The following NID2 variants were observed in gnomAD, a reference collection of about 807,000 sequenced individuals.
NID2 encodes nidogen 2.
In NID2, 83 loss-of-function variants were observed where a neutral mutation model predicts 145.4. The observed-to-expected ratio is 0.57, with a 90% CI of 0.48 to 0.69. The LOEUF (loss-of-function observed/expected upper bound fraction) is 0.69. Ranked by LOEUF, NID2 falls within the 30% of genes least tolerant of loss-of-function variation. The probability of loss-of-function intolerance (pLI) is 0.00; values close to 1 mark genes in which losing one functional copy is unlikely to be tolerated. For synonymous variants in NID2, 739 were observed against 701.3 expected, an observed-to-expected ratio of 1.05 and a Z score of -0.85; for missense variants, 1,807 against 1,765.7, an observed-to-expected ratio of 1.02 and a Z score of -0.42.
At chr14:52,006,784 G>C (rs1040282568) in intron 19 of NID2, 124 bp from the exon 20 acceptor site, 2 of 1,012,506 alleles carry the variant, frequency 2.0e-6, no homozygotes, top group African/African-American at 3.2e-5. Flanking sequence ...TACAGTCATA[G>C]ATTAGCAACT....
chr14:52,048,262 A>T (rs1439820019), intron 5 of NID2, among the ~76,000 whole-genome samples: 1 of 152,216 alleles, frequency 6.6e-6, no homozygotes, highest in East Asian at 1.9e-4. Context: ...TCTTTAGTGA[A>T]AGTAATACAG....
chr14:52,016,625 C>G (rs1356575434), intron 14 of NID2, among the ~76,000 whole-genome samples: 2 of 152,236 alleles, frequency 1.3e-5, no homozygotes, highest in Non-Finnish European at 2.9e-5. Context: ...CAAAAAGCCT[C>G]ATCCTCTCCC....
rs1180106517 is a variant in NID2, at chr14:52,044,506, G to A, written c.1430-1575C>T. Among the ~76,000 whole-genome samples, 6 of 152,118 alleles carry A rather than the reference G, an allele frequency of 3.9e-5. No homozygotes were observed. The South Asian group carries it at 6.2e-4, about 16-fold the overall frequency. On this transcript the variant is annotated intron_variant, in intron 5 of 21. Coordinates refer to ENST00000216286, the MANE Select transcript of NID2 (RefSeq NM_007361.4). ...AGGATGGTCCTGATCTCCTGACCTC[G>A]TGATCCACCTGCCTCGGCCTCCCAA... is the stretch of plus-strand genomic sequence containing the variant.
Position 52,007,954 on chromosome 14 carries a change from T to C in NID2, c.3736A>G (p.Thr1246Ala). The change falls in exon 19 of 22, where the codon ACA becomes GCA. Residue 1246 changes from threonine (T) to alanine (A), a missense_variant. By Grantham distance (58) the Thr-to-Ala change is moderately conservative. Coordinates refer to ENST00000216286, the MANE Select transcript of NID2 (RefSeq NM_007361.4). ...TTAGGAGCTTCTCTATTCCAGTCTG[T>C]CCAGTACAAGTTGCTGTAAGTTAAA... ...VDPIRGNLYW[T>A]DWNREAPKIE... 6.2e-7 allele frequency: 1 copy of C among 1,603,820 alleles called. No homozygotes were observed. Among genetic ancestry groups the C allele is most frequent in the African/African-American group, 1.3e-5 (1 of 74,214 alleles).
At chr14:52,051,694 A>G (rs1027291517) in intron 5 of NID2, among the ~76,000 whole-genome samples, 2 of 152,174 alleles carry the variant, frequency 1.3e-5, no homozygotes, top group African/African-American at 4.8e-5. Context: ...TACTTCATAC[A>G]TCCCCGTAAA....
intron 16 of NID2, 80 bp from the exon 17 acceptor site, chr14:52,011,763 C>G: frequency 6.5e-7 from 1 of 1,531,910 alleles, no homozygotes; most frequent in Non-Finnish European, 9.0e-7. Flanking sequence ...TGCTCATGCA[C>G]AGCTGCAGTG....
Position 52,053,799 on chromosome 14 carries a change from T to G in NID2, c.1209A>C (p.Ser403=), listed in dbSNP as rs757642108. The G allele has an allele frequency of 6.2e-7, 1 of 1,614,196 alleles. No individual in the cohort carries two copies. Among genetic ancestry groups the G allele is most frequent in the East Asian group, 2.2e-5 (1 of 44,884 alleles). ...GTGGGGTTTCCCAGGAAGGAGCCAGTGAATCTCTGTCTACCTCTGGTGGAG... is the reference window on the plus strand; with the variant it reads ...GTGGGGTTTCCCAGGAAGGAGCCAGGGAATCTCTGTCTACCTCTGGTGGAG... ...SPAPPEVDRD[S]LAPSWETPPP... Residue 403 remains serine, a synonymous_variant, in exon 5 of 22, where the codon TCA becomes TCC. Transcript: ENST00000216286.
intron 9 of NID2, among the ~76,000 whole-genome samples, chr14:52,031,136 G>A (rs1440997609): frequency 1.3e-5 from 2 of 152,208 alleles, no homozygotes; most frequent in Admixed American, 1.3e-4. Flanking sequence ...ACTTCATGAA[G>A]TTATCTAGTC....
chr14:52,017,399 A>G (rs1477926499), intron 14 of NID2, among the ~76,000 whole-genome samples: 1 of 152,120 alleles, frequency 6.6e-6, no homozygotes, highest in Non-Finnish European at 1.5e-5. Flanking sequence ...CCCATCAAAC[A>G]TGAGACCAGT....
At chr14:52,035,669 T>C (rs1464882541) in intron 9 of NID2, among the ~76,000 whole-genome samples, 2 of 151,154 alleles carry the variant, frequency 1.3e-5, no homozygotes, top group African/African-American at 4.9e-5. Flanking sequence ...TTTCTACTAC[T>C]ATTTGCTTCC....
intron 5 of NID2, among the ~76,000 whole-genome samples, chr14:52,044,867 T>C (rs1892430781): frequency 6.6e-6 from 1 of 150,890 alleles, no homozygotes; most frequent in African/African-American, 2.4e-5. Flanking sequence ...CAAGTGATCT[T>C]CCCACCTAGG....
chr14:52,035,900 G>C (rs187389445), intron 9 of NID2, among the ~76,000 whole-genome samples: 1 of 45,882 alleles, frequency 2.2e-5, no homozygotes, highest in African/African-American at 7.3e-5. Flanking sequence ...GTAGAGACAG[G>C]GTTTCACCAT....
chr14:52,046,640 T>C (rs1413963494), intron 5 of NID2, among the ~76,000 whole-genome samples: 1 of 152,140 alleles, frequency 6.6e-6, no homozygotes, highest in Non-Finnish European at 1.5e-5. Flanking sequence ...GGTTTATAAA[T>C]AGATTGGAAG....
At chr14:52,007,362 G>A (rs953774713) in intron 19 of NID2, 1 of 181,384 alleles carries the variant, frequency 5.5e-6, no homozygotes, top group Admixed American at 5.9e-5. Flanking sequence ...CAGTTGTGCT[G>A]ATAAAAGCAA....
intron 20 of NID2, 198 bp downstream of exon 20, chr14:52,006,339 A>C: frequency 1.8e-6 from 1 of 565,920 alleles, no homozygotes; most frequent in East Asian, 3.1e-5. Flanking sequence ...TTTCTGGGTG[A>C]AGTAAAAGGA....
rs1017701714 is a variant in NID2, at chr14:52,011,647, C to T, written c.3457G>A (p.Glu1153Lys). 7 of 1,614,090 alleles carry T rather than the reference C, an allele frequency of 4.3e-6. No individual in the cohort carries two copies. The Admixed American group carries it at 5.0e-5, about 12-fold the overall frequency. The change falls in exon 17 of 22, where the codon GAG (glutamate) becomes AAG (lysine). Residue 1153 changes from glutamate to lysine, a missense_variant. Physicochemically the swap from Glu to Lys is moderately conservative, Grantham distance 56 (BLOSUM62 1). Transcript: ENST00000216286. Reference protein sequence around the residue: ...IIVGIDYDCRERMVYWTDVAG... With the variant: ...IIVGIDYDCRKRMVYWTDVAG... The stretch of plus-strand genomic sequence containing the variant: ...ACATCTGTCCAGTACACCATCCTCT[C>T]CCGGCAGTCGTAATCAATTCCCACG...
At position 52,011,016 on chromosome 14, in the gene NID2, G is replaced by T. The variant is rs1022467921; in HGVS notation, c.3582C>A (p.Asp1194Glu). The change falls in exon 18 of 22, where the codon GAC becomes GAA. Residue 1194 changes from aspartate to glutamate, a missense_variant. Asp to Glu is a conservative substitution (Grantham distance 45). Transcript: ENST00000216286. The stretch of plus-strand genomic sequence containing the variant: ...TCCAGTACATTGTTCTGCGGATGTG[G>T]TCTATGGCAAGTCCTTCAGGGCTTA... ...GLISPEGLAIDHIRRTMYWTD... is the reference protein window; with the variant it reads ...GLISPEGLAIEHIRRTMYWTD... The T allele has an allele frequency of 6.2e-7, 1 of 1,614,040 alleles. No homozygotes were observed. Among genetic ancestry groups the T allele is most frequent in the African/African-American group, 1.3e-5 (1 of 74,920 alleles).
At chr14:52,062,870 A>G (rs574100927) in intron 2 of NID2, among the ~76,000 whole-genome samples, 1 of 152,310 alleles carries the variant, frequency 6.6e-6, no homozygotes, top group East Asian at 1.9e-4. Context: ...AATTTATTCA[A>G]CATCTTCTAT....
At chr14:52,033,260 G>A (rs1470128023) in intron 9 of NID2, among the ~76,000 whole-genome samples, 1 of 151,990 alleles carries the variant, frequency 6.6e-6, no homozygotes, top group Admixed American at 6.6e-5. Flanking sequence ...GGGAAGAGCG[G>A]TTTTCCTTAA....
Sources: gnomAD v4.1 joint callset for allele counts (sites outside exome capture counted in the v4.1 genomes callset) on GRCh38, gnomAD v4.1.1 for gene constraint, MANE v1.5 for transcripts, NCBI Gene and HGNC (gene_info 2026-07-23, HGNC 2026-07-21) for gene names.